The following LRRFIP1 variants were observed in gnomAD, a reference collection of about 807,000 sequenced individuals.
The protein encoded by LRRFIP1 is LRR binding FLII interacting protein 1.
In LRRFIP1, 62 loss-of-function variants were observed where a neutral mutation model predicts 104.4. The ratio of observed to expected loss-of-function variants is 0.59; its 90% CI spans 0.48 to 0.73. The LOEUF is 0.73. Ranked by LOEUF, LRRFIP1 falls within the 30% of genes least tolerant of loss-of-function variation. The pLI is 0.00. For missense variants in LRRFIP1, 796 were observed against 824.5 expected (o/e 0.97, Z 0.42); for synonymous variants, 300 against 299.0 (o/e 1.00, Z -0.03).
chr2:237,699,964 T>G (rs1209542854), intron 1 of LRRFIP1, among the ~76,000 whole-genome samples: 2 of 152,198 alleles, frequency 1.3e-5, no homozygotes, highest in African/African-American at 2.4e-5. Context: ...ACATGAGCAT[T>G]TCTTTTGGAA....
chr2:237,735,175 G>A lies in LRRFIP1; in HGVS notation c.490-93G>A, dbSNP rs796849181. The A allele has an allele frequency of 2.4e-5, 23 of 969,828 alleles. 2 individuals are homozygous for A. The highest frequency in any genetic ancestry group is 1.3e-4 in the African/African-American group (8 of 61,980). The allele number at this position is 969,828 out of a possible 1,614,324, so 60.1% of individuals were successfully genotyped here. ...CTTTTTCAGGTCATGCTCCTGGCAC[G>A]TGTCAGTTTTTCACAGCTCACGTTT... On this transcript the variant is annotated intron_variant, in intron 9 of 23. Coordinates refer to ENST00000308482, the MANE Select transcript of LRRFIP1 (RefSeq NM_001137550.2). This position sits in a 1 kb window ranked among gnomAD's most constrained non-coding sequence, Gnocchi z 4.6.
At chr2:237,637,448 G>A (rs10929242) in intron 1 of LRRFIP1, among the ~76,000 whole-genome samples, 38,827 of 152,132 alleles carry the variant, frequency 0.26, 5,265 homozygotes, top group East Asian at 0.43. Flanking sequence ...ATCCTGGGCA[G>A]CAGAGCGAGA....
At chr2:237,659,971 G>C (rs983913709) in intron 1 of LRRFIP1, among the ~76,000 whole-genome samples, 1 of 152,142 alleles carries the variant, frequency 6.6e-6, no homozygotes, top group East Asian at 1.9e-4. Context: ...AAAATATTTC[G>C]TGTAAGTTAC....
At chr2:237,719,123 G>C (rs191684830) in intron 4 of LRRFIP1, among the ~76,000 whole-genome samples, 35 of 152,282 alleles carry the variant, frequency 2.3e-4, no homozygotes, top group Admixed American at 2.0e-4. Flanking sequence ...ATAGTAGAAA[G>C]AGTGACATCC....
At chr2:237,706,411 C>T (rs956049934) in intron 1 of LRRFIP1, among the ~76,000 whole-genome samples, 2 of 152,156 alleles carry the variant, frequency 1.3e-5, no homozygotes, top group Non-Finnish European at 2.9e-5. Flanking sequence ...TGCCCCCCAA[C>T]CCCCAAGCTG....
At chr2:237,718,413 T>G (rs2094422878) in intron 4 of LRRFIP1, among the ~76,000 whole-genome samples, 1 of 152,208 alleles carries the variant, frequency 6.6e-6, no homozygotes, top group Non-Finnish European at 1.5e-5. Flanking sequence ...GAACAGCCCC[T>G]CTGCCTTCCT....
At chr2:237,699,501 C>T (rs768528181) in intron 1 of LRRFIP1, among the ~76,000 whole-genome samples, 10 of 152,000 alleles carry the variant, frequency 6.6e-5, no homozygotes, top group East Asian at 1.9e-4. Flanking sequence ...TATAGGCATG[C>T]GCCACCATGC....
chr2:237,743,900 A>G (rs1417190245), intron 11 of LRRFIP1, among the ~76,000 whole-genome samples: 1 of 152,154 alleles, frequency 6.6e-6, no homozygotes, highest in Non-Finnish European at 1.5e-5. Flanking sequence ...CTCACTGGGA[A>G]CCTGGTGAAG....
At chr2:237,757,950 A>T (rs1358424471) in intron 17 of LRRFIP1, among the ~76,000 whole-genome samples, 1 of 151,966 alleles carries the variant, frequency 6.6e-6, no homozygotes, top group Non-Finnish European at 1.5e-5. Context: ...CACCAGGCAG[A>T]TATCCCCACT....
chr2:237,745,470 A>C (rs865950119), intron 11 of LRRFIP1, among the ~76,000 whole-genome samples: 10 of 152,230 alleles, frequency 6.6e-5, no homozygotes, highest in Admixed American at 2.6e-4. Context: ...TTTTAAAATG[A>C]TAAAAACAGC....
intron 7 of LRRFIP1, among the ~76,000 whole-genome samples, chr2:237,727,093 C>T (rs143308014): frequency 2.2e-4 from 33 of 152,324 alleles, no homozygotes; most frequent in African/African-American, 7.2e-4. Flanking sequence ...CGCGATGGCT[C>T]ACGCCTGTAA....
Position 237,772,111 on chromosome 2 carries a change from A to C in LRRFIP1, c.1540A>C (p.Arg514=), listed in dbSNP as rs777509611. 33 of 1,613,716 alleles carry C rather than the reference A, an allele frequency of 2.0e-5. 1 individual carries two copies. The Admixed American group carries it at 5.3e-4, about 26-fold the overall frequency. ...IKKLKGQLEE[R]QKIGKLDNLR... ...GAAACTCAAAGGGCAGCTGGAGGAG[A>C]GACAGAAGATTGGCAAACTAGACAA... The change falls in exon 21 of 24, where the codon AGA becomes CGA. Residue 514 remains arginine (R), a synonymous_variant. Coordinates refer to ENST00000308482, the MANE Select transcript of LRRFIP1 (RefSeq NM_001137550.2).
rs775715253 is a variant in LRRFIP1 at position 237,763,271 on chromosome 2, G to C, written c.1459+3066G>C. On this transcript the variant is annotated intron_variant, in intron 19 of 23. Transcript: ENST00000308482. Reference sequence around the variant, plus strand: ...GAAACCAATCAAGACAGAAGTTCCTGGTTCTCCAGCAGGAACTGAGGGCAA... The same window carrying C: ...GAAACCAATCAAGACAGAAGTTCCTCGTTCTCCAGCAGGAACTGAGGGCAA... 1.3e-5 allele frequency: 21 copies of C among 1,614,030 alleles called. No individual in the cohort carries two copies. The Admixed American group carries it at 3.3e-4, about 26-fold the overall frequency.
At chr2:237,713,161 G>A (rs974731766) in intron 2 of LRRFIP1, among the ~76,000 whole-genome samples, 5 of 151,924 alleles carry the variant, frequency 3.3e-5, no homozygotes, top group Non-Finnish European at 5.9e-5. Context: ...GAGGGGAGGT[G>A]GCGAGGAGAC....
At chr2:237,732,482 A>G (rs1166300680) in intron 8 of LRRFIP1, among the ~76,000 whole-genome samples, 1 of 152,104 alleles carries the variant, frequency 6.6e-6, no homozygotes, top group Admixed American at 6.5e-5. Flanking sequence ...TGCTGATTAC[A>G]TTTAGTGGAT....
rs941394784 is a variant in LRRFIP1, at chr2:237,735,257, T to C, written c.490-11T>C. On this transcript the variant is annotated splice_polypyrimidine_tract_variant and intron_variant, in intron 9 of 23. Coordinates refer to ENST00000308482, the MANE Select transcript of LRRFIP1 (RefSeq NM_001137550.2). This position sits in a 1 kb window ranked among gnomAD's most constrained non-coding sequence, Gnocchi z 4.6. The stretch of plus-strand genomic sequence containing the variant: ...AAGAGCGCCCATCCTGACAGTCTCT[T>C]TTGGTCGCAGGCGTCTGTGTTGGAT... 1.9e-6 allele frequency: 3 copies of C among 1,612,546 alleles called. No homozygotes were observed. Among genetic ancestry groups the C allele is most frequent in the Non-Finnish European group, 2.5e-6 (3 of 1,179,212 alleles).
chr2:237,728,834 G>T (rs116312455), intron 8 of LRRFIP1, among the ~76,000 whole-genome samples: 1 of 151,888 alleles, frequency 6.6e-6, no homozygotes, highest in Non-Finnish European at 1.5e-5. Flanking sequence ...CCCTCTCCCC[G>T]ACCAAAGCCG....
At chr2:237,638,262 A>G (rs957520800) in intron 1 of LRRFIP1, among the ~76,000 whole-genome samples, 1 of 152,160 alleles carries the variant, frequency 6.6e-6, no homozygotes, top group Non-Finnish European at 1.5e-5. Flanking sequence ...TTAGATTCTC[A>G]TAAGGAGCGC....
intron 1 of LRRFIP1, among the ~76,000 whole-genome samples, chr2:237,636,685 A>G (rs911554608): frequency 2.6e-5 from 4 of 152,032 alleles, no homozygotes; most frequent in African/African-American, 9.7e-5. Context: ...ACCCTTTCAT[A>G]TTTTAGAGGG....
Sources: allele counts gnomAD v4.1 joint callset (sites outside exome capture counted in the v4.1 genomes callset), GRCh38; gene constraint gnomAD v4.1.1; non-coding constraint Gnocchi (gnomAD v3.1); transcripts MANE v1.5; gene names NCBI Gene and HGNC (gene_info 2026-07-23, HGNC 2026-07-21).